MSRA: variants seen among roughly 807,000 people sequenced by gnomAD.
MSRA encodes the protein mitochondrial peptide methionine sulfoxide reductase.
MSRA carries 54 observed loss-of-function variants against 31.3 expected under a neutral mutation model. The ratio of observed to expected loss-of-function variants is 1.73; its 90% CI spans 1.39 to 2.17. The LOEUF is 2.17. Among genes scored for constraint, MSRA ranks in the 30% most tolerant of loss-of-function variants. The pLI is 0.00. For synonymous variants in MSRA, 169 were observed against 116.5 expected, an observed-to-expected ratio of 1.45 and a Z score of -2.90; for missense variants, 507 against 300.9, an observed-to-expected ratio of 1.69 and a Z score of -5.07.
intron 4 of MSRA, among the ~76,000 whole-genome samples, chr8:10,314,923 A>C (rs1801627756): frequency 6.6e-6 from 1 of 152,228 alleles, no homozygotes; most frequent in African/African-American, 2.4e-5. Flanking sequence ...GCTGCTAATA[A>C]AGACATACCG....
rs141017137 is a variant in MSRA, at chr8:10,197,585, C to G, written c.143-10248C>G. ...TAAGCACTGTGCAAATACCAGTGTT[C>G]AGGAGCCACATTCTAACTGTGATGG... On this transcript the variant is annotated intron_variant, in intron 1 of 5. Transcript: ENST00000317173. Among the ~76,000 whole-genome samples the G allele has an allele frequency of 3.4e-3, 511 of 152,252 alleles. 2 individuals are homozygous for G. Among genetic ancestry groups the G allele is most frequent in the Admixed American group, 0.012 (184 of 15,296 alleles).
chr8:10,255,948 C>A (rs1004083571), intron 3 of MSRA, among the ~76,000 whole-genome samples: 4 of 152,152 alleles, frequency 2.6e-5, no homozygotes, highest in African/African-American at 7.2e-5. Flanking sequence ...TCAACATCCC[C>A]ACCTGAGTGG....
chr8:10,252,720 G>A (rs1797981398), intron 3 of MSRA, among the ~76,000 whole-genome samples: 2 of 152,194 alleles, frequency 1.3e-5, no homozygotes, highest in Admixed American at 1.3e-4. Flanking sequence ...CGAAGCATGG[G>A]CTGCAGACCT....
At chr8:10,356,043 C>T (rs1032473482) in intron 5 of MSRA, among the ~76,000 whole-genome samples, 1 of 152,186 alleles carries the variant, frequency 6.6e-6, no homozygotes. Context: ...ACTGCTGTGC[C>T]ATCGACCTGA....
At chr8:10,279,069 G>C (rs1202384579) in intron 3 of MSRA, among the ~76,000 whole-genome samples, 2 of 152,190 alleles carry the variant, frequency 1.3e-5, no homozygotes, top group Non-Finnish European at 2.9e-5. Flanking sequence ...GCATCATGCA[G>C]TTGTTTTCTT....
chr8:10,321,223 T>A (rs1463387862), intron 5 of MSRA, among the ~76,000 whole-genome samples: 2 of 152,236 alleles, frequency 1.3e-5, no homozygotes, highest in African/African-American at 4.8e-5. Context: ...ATTTTATTTA[T>A]CATTATATTT....
chr8:10,382,576 T>C (rs899112006), intron 5 of MSRA, among the ~76,000 whole-genome samples: 1 of 152,212 alleles, frequency 6.6e-6, no homozygotes, highest in African/African-American at 2.4e-5. Context: ...GTAAAGGTGG[T>C]GCCAGGAGAG....
At chr8:10,159,655 T>C (rs1804470906) in intron 1 of MSRA, among the ~76,000 whole-genome samples, 1 of 151,944 alleles carries the variant, frequency 6.6e-6, no homozygotes, top group Admixed American at 6.6e-5. Context: ...AAGTAAATTT[T>C]GTGTATTGCA....
chr8:10,268,570 A>C (rs1303330205), intron 3 of MSRA, among the ~76,000 whole-genome samples: 1 of 152,234 alleles, frequency 6.6e-6, no homozygotes, highest in East Asian at 1.9e-4. Context: ...CGCCTAGCAC[A>C]TAGTAAGACC....
intron 5 of MSRA, among the ~76,000 whole-genome samples, chr8:10,392,833 T>A (rs1189269107): frequency 7.3e-6 from 1 of 137,928 alleles, no homozygotes; most frequent in African/African-American, 2.8e-5. Context: ...TATCACCAGG[T>A]CAGGAGATCA....
intron 5 of MSRA, among the ~76,000 whole-genome samples, chr8:10,326,171 C>T (rs1802352206): frequency 6.6e-6 from 1 of 152,160 alleles, no homozygotes; most frequent in African/African-American, 2.4e-5. Flanking sequence ...CTTCACTAGC[C>T]TGCTCCCAGT....
At chr8:10,054,919 C>G (rs758542783) in intron 1 of MSRA, among the ~76,000 whole-genome samples, 1 of 152,218 alleles carries the variant, frequency 6.6e-6, no homozygotes, top group African/African-American at 2.4e-5. Context: ...GCATCGGTCT[C>G]ACTTACCCGG....
intron 2 of MSRA, among the ~76,000 whole-genome samples, chr8:10,226,013 T>G (rs10794713): frequency 0.21 from 32,001 of 152,118 alleles, 3,679 homozygotes; most frequent in South Asian, 0.37. Context: ...CACAGTAACT[T>G]GGGGAAGAGC....
chr8:10,424,773 A>C (rs1809033127), intron 5 of MSRA, among the ~76,000 whole-genome samples: 1 of 152,148 alleles, frequency 6.6e-6, no homozygotes, highest in African/African-American at 2.4e-5. Flanking sequence ...GCAGGCCCAG[A>C]TCTCCCAGGC....
rs149025732 is a variant in MSRA, at chr8:10,171,007, G to C, written c.143-36826G>C. ...GATATCTTCCCCTAGCTCTTGATCC[G>C]AGGGGAAAGCAGTCAGTTTTTCACC... is the stretch of plus-strand genomic sequence containing the variant. On this transcript the variant is annotated intron_variant, in intron 1 of 5. Coordinates refer to ENST00000317173, the MANE Select transcript of MSRA (RefSeq NM_012331.5). Among the ~76,000 whole-genome samples the C allele has an allele frequency of 2.0e-3, 310 of 152,274 alleles. 1 individual carries two copies. Among genetic ancestry groups the C allele is most frequent in the African/African-American group, 7.2e-3 (300 of 41,564 alleles).
intron 3 of MSRA, among the ~76,000 whole-genome samples, chr8:10,259,855 C>A (rs1009247489): frequency 6.6e-6 from 1 of 152,214 alleles, no homozygotes; most frequent in African/African-American, 2.4e-5. Context: ...GTCGGTGCCA[C>A]CCAGCTCGCT....
chr8:10,406,923 G>C (rs369219314), intron 5 of MSRA, among the ~76,000 whole-genome samples: 27 of 152,230 alleles, frequency 1.8e-4, no homozygotes, highest in African/African-American at 4.8e-4. Context: ...CATGATCTCA[G>C]CTGCCTGTGG....
chr8:10,107,475 G>A (rs184076591), intron 1 of MSRA, among the ~76,000 whole-genome samples: 14 of 152,244 alleles, frequency 9.2e-5, no homozygotes, highest in Admixed American at 2.0e-4. Context: ...GGTCCATAAT[G>A]AGATATTCTG....
chr8:10,317,381 A>G (rs533634637), intron 4 of MSRA, among the ~76,000 whole-genome samples: 4 of 152,362 alleles, frequency 2.6e-5, no homozygotes, highest in East Asian at 3.9e-4. Context: ...CTCTGAGCAG[A>G]GGAGAAGTCA....
Sources: allele counts gnomAD v4.1 joint callset (sites outside exome capture counted in the v4.1 genomes callset), GRCh38; gene constraint gnomAD v4.1.1; transcripts MANE v1.5; gene names NCBI Gene and HGNC (gene_info 2026-07-23, HGNC 2026-07-21).